Variants in GRIP1 observed in about 807,000 individuals in gnomAD.
GRIP1 encodes glutamate receptor interacting protein 1.
A neutral mutation model predicts 129.9 loss-of-function variants in GRIP1; 45 were observed. The ratio of observed to expected loss-of-function variants is 0.35; its 90% CI spans 0.27 to 0.44. The LOEUF (loss-of-function observed/expected upper bound fraction) is 0.44, where lower values mean the gene tolerates loss of function less well. GRIP1 is among the 20% of genes least tolerant of loss of function. GRIP1 has a pLI of 1.00. For missense variants in GRIP1, 1,196 were observed against 1,396.8 expected, an observed-to-expected ratio of 0.86 and a Z score of 2.29; for synonymous variants, 530 against 520.8, an observed-to-expected ratio of 1.02 and a Z score of -0.24.
chr12:66,622,168 C>T (rs1651408895), intron 1 of GRIP1, among the ~76,000 whole-genome samples: 1 of 151,998 alleles, frequency 6.6e-6, no homozygotes, highest in Non-Finnish European at 1.5e-5. Flanking sequence ...AATCACTGTA[C>T]TGATTCCACT....
chr12:66,385,072 C>CCTCATTT (rs2137437599), intron 19 of GRIP1, among the ~76,000 whole-genome samples: 1 of 151,890 alleles, frequency 6.6e-6, no homozygotes, highest in African/African-American at 2.4e-5. Context: ...GCAGCCCAGG[C>CCTCATTT]GTAAGAAAAA....
At chr12:67,027,215 C>T (rs2042953378) in intron 1 of GRIP1, among the ~76,000 whole-genome samples, 1 of 152,238 alleles carries the variant, frequency 6.6e-6, no homozygotes. Context: ...AGCACCTGAA[C>T]TTCCAATGTG....
intron 1 of GRIP1, among the ~76,000 whole-genome samples, chr12:67,003,163 C>A (rs1337628045): frequency 1.3e-5 from 2 of 152,022 alleles, no homozygotes; most frequent in African/African-American, 4.8e-5. Flanking sequence ...ATTAATGTAT[C>A]ATCTCACCCT....
At chr12:66,948,805 G>C (rs1159455483) in intron 1 of GRIP1, among the ~76,000 whole-genome samples, 1 of 152,082 alleles carries the variant, frequency 6.6e-6, no homozygotes, top group Non-Finnish European at 1.5e-5. Flanking sequence ...ATTTGCATTA[G>C]GAACAAATTC....
intron 13 of GRIP1, among the ~76,000 whole-genome samples, chr12:66,444,158 A>C (rs1017066920): frequency 6.6e-6 from 1 of 152,184 alleles, no homozygotes; most frequent in Non-Finnish European, 1.5e-5. Context: ...CGACACCCCA[A>C]ACCTCCTAAA....
At chr12:66,701,470 C>G (rs1004191861) in intron 1 of GRIP1, among the ~76,000 whole-genome samples, 1 of 152,180 alleles carries the variant, frequency 6.6e-6, no homozygotes, top group Admixed American at 6.5e-5. Context: ...GATCCTTTCT[C>G]CAGAGGCAAC....
At chr12:66,993,358 A>C (rs528464154) in intron 1 of GRIP1, among the ~76,000 whole-genome samples, 1 of 152,224 alleles carries the variant, frequency 6.6e-6, no homozygotes, top group Non-Finnish European at 1.5e-5. Flanking sequence ...AAATTAGAAC[A>C]TAAATTAATA....
chr12:66,956,619 G>A (rs2137515771), intron 1 of GRIP1, among the ~76,000 whole-genome samples: 1 of 152,228 alleles, frequency 6.6e-6, no homozygotes, highest in Middle Eastern at 3.4e-3. Context: ...AAATGTTTAG[G>A]AGAAGATACA....
At chr12:66,574,790 T>TTTTTTC (rs1555209656) in intron 2 of GRIP1, among the ~76,000 whole-genome samples, 5 of 142,068 alleles carry the variant, frequency 3.5e-5, no homozygotes, top group Non-Finnish European at 6.1e-5. Flanking sequence ...CACTTTTCTT[T>TTTTTTC]TTTTTTTTTT....
At chr12:66,422,197 A>G (rs868529798) in intron 14 of GRIP1, among the ~76,000 whole-genome samples, 5 of 152,232 alleles carry the variant, frequency 3.3e-5, no homozygotes, top group South Asian at 2.1e-4. Context: ...ATCTTAACAC[A>G]ACATTTAAAG....
chr12:66,762,930 T>C (rs768035854), intron 1 of GRIP1, among the ~76,000 whole-genome samples: 3 of 152,168 alleles, frequency 2.0e-5, no homozygotes, highest in African/African-American at 4.8e-5. Context: ...GTGTTTTGTA[T>C]ATGAGGCTGT....
intron 4 of GRIP1, among the ~76,000 whole-genome samples, chr12:66,533,148 T>G (rs1284241160): frequency 6.6e-6 from 1 of 152,064 alleles, no homozygotes; most frequent in Admixed American, 6.5e-5. Flanking sequence ...CTTTAAGAGT[T>G]AAGTGACCAA....
intron 7 of GRIP1, among the ~76,000 whole-genome samples, chr12:66,502,750 A>G (rs1592442654): frequency 6.6e-6 from 1 of 152,180 alleles, no homozygotes; most frequent in African/African-American, 2.4e-5. Flanking sequence ...GATGCCAAGT[A>G]TATGCTGACA....
intron 1 of GRIP1, among the ~76,000 whole-genome samples, chr12:66,950,398 T>G (rs1479142400): frequency 6.6e-6 from 1 of 152,212 alleles, no homozygotes; most frequent in Non-Finnish European, 1.5e-5. Flanking sequence ...GTTTTTGTAG[T>G]CAAAATAATA....
At chr12:66,428,706 TAGATGTCAC>T in intron 14 of GRIP1, among the ~76,000 whole-genome samples, 1 of 152,310 alleles carries the variant, frequency 6.6e-6, no homozygotes, top group South Asian at 2.1e-4. Flanking sequence ...AAAATGGAGA[TAGATGTCAC>T]AGAGCTACTT....
chr12:66,878,922 C>G (rs1291692781), intron 1 of GRIP1, among the ~76,000 whole-genome samples: 1 of 151,746 alleles, frequency 6.6e-6, no homozygotes, highest in Non-Finnish European at 1.5e-5. Context: ...AACAGGGATT[C>G]AGGAACAGAT....
At chr12:66,651,811 A>G (rs1456741226) in intron 1 of GRIP1, among the ~76,000 whole-genome samples, 1 of 152,156 alleles carries the variant, frequency 6.6e-6, no homozygotes, top group Non-Finnish European at 1.5e-5. Flanking sequence ...TAAATATAAT[A>G]TCATCCATCA....
At chr12:66,522,246 C>A (rs944986055) in intron 5 of GRIP1, among the ~76,000 whole-genome samples, 5 of 152,200 alleles carry the variant, frequency 3.3e-5, no homozygotes, top group East Asian at 1.9e-4. Flanking sequence ...CTGGGAGGCA[C>A]CCCCAAATAG....
intron 23 of GRIP1, among the ~76,000 whole-genome samples, chr12:66,362,142 CTTTTTT>C (rs10589880): frequency 2.2e-5 from 2 of 91,682 alleles, no homozygotes; most frequent in African/African-American, 9.3e-5. Flanking sequence ...CCAATTTAAT[CTTTTTT>C]TTTTTTTTTT....
Sources: gnomAD v4.1 joint callset for allele counts (sites outside exome capture counted in the v4.1 genomes callset) on GRCh38, gnomAD v4.1.1 for gene constraint, MANE v1.5 for transcripts, NCBI Gene and HGNC (gene_info 2026-07-23, HGNC 2026-07-21) for gene names.